NSMCE2: variants seen among roughly 807,000 people sequenced by gnomAD.
The protein encoded by NSMCE2 is NSE2 SUMO ligase component of SMC5/6 complex.
In NSMCE2, 24 loss-of-function variants were observed where a neutral mutation model predicts 23.8. That is an observed-to-expected ratio of 1.01 (90% CI 0.73 to 1.42). The LOEUF is 1.42. NSMCE2 is among the 40% of genes most tolerant of loss of function. NSMCE2 has a pLI of 0.00. For missense variants in NSMCE2, 284 were observed against 296.5 expected, an observed-to-expected ratio of 0.96 and a Z score of 0.31; for synonymous variants, 92 against 94.1, an observed-to-expected ratio of 0.98 and a Z score of 0.13.
intron 3 of NSMCE2, among the ~76,000 whole-genome samples, chr8:125,134,159 T>C (rs1169847461): frequency 6.6e-6 from 1 of 152,246 alleles, no homozygotes; most frequent in Non-Finnish European, 1.5e-5. Flanking sequence ...TCATATTTGT[T>C]ATGTAAAAAA....
At chr8:125,118,104 C>CT (rs1229039422) in intron 3 of NSMCE2, among the ~76,000 whole-genome samples, 1 of 152,112 alleles carries the variant, frequency 6.6e-6, no homozygotes, top group African/African-American at 2.4e-5. Flanking sequence ...AATCTTAGCA[C>CT]TTTAGGAGGC....
At chr8:125,216,521 C>G (rs1824590398) in intron 5 of NSMCE2, among the ~76,000 whole-genome samples, 3 of 152,044 alleles carry the variant, frequency 2.0e-5, no homozygotes, top group Admixed American at 1.3e-4. Flanking sequence ...TGCCTGTAAT[C>G]CCAGCTACGT....
At chr8:125,329,197 G>A (rs549577367) in intron 5 of NSMCE2, among the ~76,000 whole-genome samples, 2 of 152,218 alleles carry the variant, frequency 1.3e-5, no homozygotes, top group Admixed American at 6.5e-5. Context: ...CCCCAGCAGC[G>A]GGCAATCCTT....
At chr8:125,129,844 G>A (rs541804091) in intron 3 of NSMCE2, among the ~76,000 whole-genome samples, 1 of 151,956 alleles carries the variant, frequency 6.6e-6, no homozygotes, top group African/African-American at 2.4e-5. Flanking sequence ...CAAAGTTGTA[G>A]ATAGTGGAGT....
At chr8:125,154,325 T>C (rs1235729796) in intron 4 of NSMCE2, among the ~76,000 whole-genome samples, 1 of 152,184 alleles carries the variant, frequency 6.6e-6, no homozygotes, top group Non-Finnish European at 1.5e-5. Context: ...TGAAAAGTTT[T>C]GGAAGTTTTC....
intron 4 of NSMCE2, among the ~76,000 whole-genome samples, chr8:125,152,505 T>C (rs1821088559): frequency 6.6e-6 from 1 of 152,182 alleles, no homozygotes; most frequent in Admixed American, 6.5e-5. Flanking sequence ...AGGCTGACTT[T>C]ATAGAAGAAA....
chr8:125,211,425 TA>T (rs1366909609), intron 5 of NSMCE2, among the ~76,000 whole-genome samples: 2 of 152,206 alleles, frequency 1.3e-5, no homozygotes, highest in Non-Finnish European at 1.5e-5. Flanking sequence ...TCCATATCAG[TA>T]CATATAGCAC....
chr8:125,132,978 C>G (rs959143190), intron 3 of NSMCE2, among the ~76,000 whole-genome samples: 3 of 152,124 alleles, frequency 2.0e-5, no homozygotes, highest in Non-Finnish European at 4.4e-5. Flanking sequence ...AACTGAGCAC[C>G]AGTAAGATTA....
rs1241405796 is a variant in NSMCE2, at chr8:125,315,050, GAC to G, written c.419-42165_419-42164del. ...ACAAAGAATCACATAAGGCGAAACAGACACAGAATAACCCTGCAGAGCATGTT... is the reference window on the plus strand; with the variant it reads ...ACAAAGAATCACATAAGGCGAAACAGACAGAATAACCCTGCAGAGCATGTT... On this transcript the variant is annotated intron_variant, in intron 5 of 7. Transcript: ENST00000287437. Among the ~76,000 whole-genome samples the G allele has an allele frequency of 3.1e-4, 47 of 152,306 alleles. 1 individual carries two copies. The highest frequency in any genetic ancestry group is 3.9e-4 in the East Asian group (2 of 5,190).
At chr8:125,156,375 C>G (rs1586532143) in intron 4 of NSMCE2, 1 of 155,270 alleles carries the variant, frequency 6.4e-6, no homozygotes, top group Non-Finnish European at 1.4e-5. Flanking sequence ...TATGTCTTCA[C>G]TTTCCTCTAA....
rs1475552724 is a variant in NSMCE2 at position 125,178,659 on chromosome 8, A to G, written c.265-3444A>G. 2.0e-5 allele frequency among the ~76,000 whole-genome samples: 3 copies of G among 152,264 alleles called. No homozygotes were observed. In the East Asian group the frequency reaches 5.8e-4, roughly 29 times the overall value. On this transcript the variant is annotated intron_variant, in intron 4 of 7. Transcript: ENST00000287437. ...GTGGAGGCGGGCGGATCACGAGGTC[A>G]GGAGATCGAGACCATCCTGGCTAAC...
At chr8:125,273,068 G>A (rs1360761912) in intron 5 of NSMCE2, among the ~76,000 whole-genome samples, 2 of 152,120 alleles carry the variant, frequency 1.3e-5, no homozygotes, top group Non-Finnish European at 2.9e-5. Context: ...GACAGTTACT[G>A]CTTCATAAAT....
chr8:125,232,943 A>G (rs759543906), intron 5 of NSMCE2, among the ~76,000 whole-genome samples: 6 of 152,232 alleles, frequency 3.9e-5, no homozygotes, highest in Non-Finnish European at 7.3e-5. Flanking sequence ...CAAGATTTTC[A>G]TATGATGGTG....
chr8:125,126,823 C>T (rs182284498), intron 3 of NSMCE2: 1 of 152,340 alleles, frequency 6.6e-6, no homozygotes, highest in East Asian at 1.9e-4. Flanking sequence ...TGTACCCACA[C>T]ACATCTCCCT....
chr8:125,261,211 T>C (rs918424498), intron 5 of NSMCE2, among the ~76,000 whole-genome samples: 1 of 152,210 alleles, frequency 6.6e-6, no homozygotes, highest in Non-Finnish European at 1.5e-5. Context: ...ATCACTATTA[T>C]GCTGGATACT....
At chr8:125,191,773 A>T (rs1408910305) in intron 5 of NSMCE2, among the ~76,000 whole-genome samples, 1 of 152,180 alleles carries the variant, frequency 6.6e-6, no homozygotes, top group East Asian at 1.9e-4. Context: ...TAACAACAGT[A>T]ATCTCTTGCA....
chr8:125,349,062 C>CAG (rs1289798313), intron 5 of NSMCE2, among the ~76,000 whole-genome samples: 2 of 135,842 alleles, frequency 1.5e-5, no homozygotes, highest in East Asian at 2.2e-4. Context: ...CACACACACA[C>CAG]AGAGCTCTTA....
At chr8:125,127,553 A>G (rs1027586908) in intron 3 of NSMCE2, among the ~76,000 whole-genome samples, 2 of 152,248 alleles carry the variant, frequency 1.3e-5, no homozygotes, top group Admixed American at 6.5e-5. Context: ...AATGTGTTAC[A>G]TGGAAGATGC....
intron 5 of NSMCE2, among the ~76,000 whole-genome samples, chr8:125,324,050 A>G (rs1829551200): frequency 1.3e-5 from 2 of 152,244 alleles, no homozygotes; most frequent in Admixed American, 6.5e-5. Flanking sequence ...CTTAAAATAT[A>G]TAGATGACAA....
Sources: allele counts gnomAD v4.1 joint callset (sites outside exome capture counted in the v4.1 genomes callset), GRCh38; gene constraint gnomAD v4.1.1; transcripts MANE v1.5; gene names NCBI Gene and HGNC (gene_info 2026-07-23, HGNC 2026-07-21).